Variants in VRK2 observed in about 807,000 individuals in gnomAD.
The protein encoded by VRK2 is serine/threonine-protein kinase VRK2.
In VRK2, 60 loss-of-function variants were observed where a neutral mutation model predicts 57.6. The ratio of observed to expected loss-of-function variants is 1.04; its 90% CI spans 0.85 to 1.29. VRK2 has a LOEUF of 1.29. Among genes scored for constraint, VRK2 ranks in the 50% most tolerant of loss-of-function variants. The pLI is 0.00. For missense variants in VRK2, 705 were observed against 588.1 expected, an observed-to-expected ratio of 1.20 and a Z score of -2.06; for synonymous variants, 231 against 199.2, an observed-to-expected ratio of 1.16 and a Z score of -1.35.
intron 1 of VRK2, among the ~76,000 whole-genome samples, chr2:57,997,207 G>A (rs1162443948): frequency 6.6e-6 from 1 of 152,022 alleles, no homozygotes; most frequent in Non-Finnish European, 1.5e-5. Flanking sequence ...TTTGACTCTG[G>A]ATTTGTAGAG....
At chr2:58,108,271 C>T (rs1675047411) in intron 7 of VRK2, among the ~76,000 whole-genome samples, 1 of 152,120 alleles carries the variant, frequency 6.6e-6, no homozygotes, top group African/African-American at 2.4e-5. Flanking sequence ...TGGATCTCTT[C>T]TTTGTCTCCC....
intron 2 of VRK2, among the ~76,000 whole-genome samples, chr2:58,059,060 T>A (rs1376961374): frequency 1.3e-5 from 2 of 152,092 alleles, no homozygotes; most frequent in African/African-American, 2.4e-5. Flanking sequence ...ATGGTGTCAT[T>A]TTCATTCAGA....
intron 8 of VRK2, among the ~76,000 whole-genome samples, chr2:58,130,656 A>T (rs1679053183): frequency 6.6e-6 from 1 of 152,198 alleles, no homozygotes; most frequent in African/African-American, 2.4e-5. Flanking sequence ...AACTAAGTTC[A>T]CTGAGTAACT....
intron 1 of VRK2, among the ~76,000 whole-genome samples, chr2:57,913,194 T>C (rs1258654464): frequency 1.3e-5 from 2 of 152,204 alleles, no homozygotes; most frequent in African/African-American, 4.8e-5. Flanking sequence ...ATTTAGAGCA[T>C]GAGGCCTGGG....
intron 12 of VRK2, among the ~76,000 whole-genome samples, chr2:58,156,387 G>A (rs1683853180): frequency 6.6e-6 from 1 of 151,866 alleles, no homozygotes; most frequent in Non-Finnish European, 1.5e-5. Flanking sequence ...TTTTATCTGT[G>A]GGTTGATATT....
chr2:58,150,071 C>T (rs1465495434), intron 12 of VRK2, among the ~76,000 whole-genome samples: 1 of 146,704 alleles, frequency 6.8e-6, no homozygotes, highest in Non-Finnish European at 1.5e-5. Context: ...GGCTACTTCA[C>T]AGAGCAGCTG....
intron 3 of VRK2, among the ~76,000 whole-genome samples, chr2:58,037,369 G>A (rs2103711220): frequency 6.6e-6 from 1 of 152,136 alleles, no homozygotes; most frequent in South Asian, 2.1e-4. Flanking sequence ...GAGACAAACT[G>A]AGCTCAAGGT....
intron 1 of VRK2, among the ~76,000 whole-genome samples, chr2:57,934,032 C>T (rs1327322803): frequency 1.3e-5 from 2 of 152,146 alleles, no homozygotes; most frequent in Non-Finnish European, 2.9e-5. Context: ...ACTTTTGCTA[C>T]CCCAAACTTT....
chr2:57,916,802 G>A (rs1384971356), intron 1 of VRK2, among the ~76,000 whole-genome samples: 1 of 152,050 alleles, frequency 6.6e-6, no homozygotes, highest in Non-Finnish European at 1.5e-5. Flanking sequence ...CTCTGAAATT[G>A]GACAGATGTA....
At chr2:58,126,015 G>C (rs1573261015) in intron 8 of VRK2, among the ~76,000 whole-genome samples, 1 of 151,954 alleles carries the variant, frequency 6.6e-6, no homozygotes, top group African/African-American at 2.4e-5. Context: ...GGAAAATGCA[G>C]GTCAGATTCA....
intron 12 of VRK2, among the ~76,000 whole-genome samples, chr2:58,150,465 T>C (rs927913769): frequency 6.6e-5 from 10 of 151,298 alleles, no homozygotes; most frequent in African/African-American, 2.4e-4. Context: ...GTTCTGATAA[T>C]GGTAACTTTT....
rs761323748 is a variant in VRK2 at position 58,097,009 on chromosome 2, ATAT to A, written c.543+7293_543+7295del. On this transcript the variant is annotated intron_variant, in intron 7 of 12. Coordinates refer to ENST00000340157, the MANE Select transcript of VRK2 (RefSeq NM_006296.7). ...TTTATTAATGCCTAGACTTATCACA[ATAT>A]TATTATGATATTGTTTATAATAAGT... 1.4e-4 allele frequency among the ~76,000 whole-genome samples: 22 copies of A among 152,180 alleles called. No homozygotes were observed. In the East Asian group the frequency reaches 3.7e-3, roughly 25 times the overall value.
At chr2:58,088,946 A>G (rs77495955) in intron 6 of VRK2, among the ~76,000 whole-genome samples, 10,516 of 152,266 alleles carry the variant, frequency 0.069, 433 homozygotes, top group Non-Finnish European at 0.093. Context: ...ATTTGTTTAT[A>G]CTACATATTT....
intron 1 of VRK2, among the ~76,000 whole-genome samples, chr2:57,992,703 A>T (rs974420393): frequency 1.3e-5 from 2 of 150,416 alleles, no homozygotes; most frequent in African/African-American, 2.4e-5. Flanking sequence ...CGCCCGGCTA[A>T]TTTTTTGTAT....
intron 1 of VRK2, among the ~76,000 whole-genome samples, chr2:57,920,011 T>C (rs1670288007): frequency 6.6e-6 from 1 of 152,136 alleles, no homozygotes; most frequent in Non-Finnish European, 1.5e-5. Flanking sequence ...CTTTTCATGA[T>C]AATTTATGAT....
chr2:58,103,771 A>C lies in VRK2; in HGVS notation c.543+14048A>C, dbSNP rs1674355193. On this transcript the variant is annotated intron_variant, in intron 7 of 12. Transcript: ENST00000340157. Reference sequence around the variant, plus strand: ...ACAAAGCCAGTGTGACCCTTATACCAAAGCTAAACAAGGACAAAACAAAAA... The same window carrying C: ...ACAAAGCCAGTGTGACCCTTATACCCAAGCTAAACAAGGACAAAACAAAAA... 2.6e-5 allele frequency among the ~76,000 whole-genome samples: 4 copies of C among 151,774 alleles called. No individual in the cohort carries two copies. In the South Asian group the frequency reaches 6.2e-4, roughly 24 times the overall value.
At chr2:58,045,685 T>A (rs1271729112), upstream of VRK2, among the ~76,000 whole-genome samples, 1 of 151,878 alleles carries the variant, frequency 6.6e-6, no homozygotes, top group Non-Finnish European at 1.5e-5. Context: ...GGAGCCCCAA[T>A]TCCTTATTCT....
chr2:58,075,524 A>G (rs1669978511), intron 2 of VRK2, among the ~76,000 whole-genome samples: 8 of 152,092 alleles, frequency 5.3e-5, no homozygotes. Context: ...ATGTTCCCTT[A>G]TCTCTGAAAC....
intron 7 of VRK2, among the ~76,000 whole-genome samples, chr2:58,112,724 C>T (rs1289866939): frequency 6.6e-6 from 1 of 152,120 alleles, no homozygotes; most frequent in Non-Finnish European, 1.5e-5. Flanking sequence ...ATTTTAGAAG[C>T]AAATGACTTT....
Sources: gnomAD v4.1 joint callset for allele counts (sites outside exome capture counted in the v4.1 genomes callset) on GRCh38, gnomAD v4.1.1 for gene constraint, MANE v1.5 for transcripts, NCBI Gene and HGNC (gene_info 2026-07-23, HGNC 2026-07-21) for gene names.